PDGFB: variants seen among roughly 807,000 people sequenced by gnomAD.
The protein encoded by PDGFB is platelet derived growth factor subunit B.
In PDGFB, 6 loss-of-function variants were observed where a neutral mutation model predicts 29.0. That is an observed-to-expected ratio of 0.21 (90% CI 0.11 to 0.41). The LOEUF is 0.41. Ranked by LOEUF, PDGFB falls within the 10% of genes least tolerant of loss-of-function variation. The pLI is 1.00. For synonymous variants in PDGFB, 144 were observed against 140.8 expected (o/e 1.02, Z -0.16); for missense variants, 299 against 341.8 (o/e 0.87, Z 0.99).
chr22:39,243,779 C>T lies in PDGFB; in HGVS notation c.63+122G>A. On this transcript the variant is annotated intron_variant, in intron 1 of 6. Coordinates refer to ENST00000331163, the MANE Select transcript of PDGFB (RefSeq NM_002608.4). The surrounding 1 kb of genome is among the most constrained non-coding windows in gnomAD (Gnocchi z 6.4). ...CCAGCCCGAAGAGGTCACCCAGCGCCCGGCGTCAGGCTCGCGGGCTGCAAG... is the reference window on the plus strand; with the variant it reads ...CCAGCCCGAAGAGGTCACCCAGCGCTCGGCGTCAGGCTCGCGGGCTGCAAG... 8.5e-6 allele frequency: 6 copies of T among 707,596 alleles called. No individual in the cohort carries two copies. The highest frequency in any genetic ancestry group is 2.8e-5 in the Admixed American group (1 of 36,230). The allele number at this position is 707,596 out of a possible 1,614,324, so 43.8% of individuals were successfully genotyped here.
chr22:39,225,960 A>AT, intron 5 of PDGFB, 113 bp from the exon 6 acceptor site: 1 of 1,264,170 alleles, frequency 7.9e-7, no homozygotes, highest in East Asian at 2.5e-5. Flanking sequence ...CAGGAGGGGA[A>AT]TCTGGACCAG....
At chr22:39,238,884 T>G (rs1235383818) in intron 1 of PDGFB, among the ~76,000 whole-genome samples, 2 of 152,244 alleles carry the variant, frequency 1.3e-5, no homozygotes, top group East Asian at 1.9e-4. Context: ...CATCTTAAGT[T>G]GGGGGAGGCC....
At chr22:39,236,821 G>A (rs972715895) in intron 1 of PDGFB, among the ~76,000 whole-genome samples, 1 of 152,174 alleles carries the variant, frequency 6.6e-6, no homozygotes, top group African/African-American at 2.4e-5. Context: ...CTAAGATGTC[G>A]CTGCACGTTC....
In PDGFB at chr22:39,224,105, T is replaced by C. The variant is rs577557700; in HGVS notation, c.*1237A>G. 1 of 152,228 alleles carries C rather than the reference T, an allele frequency of 6.6e-6. No individual in the cohort carries two copies. Among genetic ancestry groups the C allele is most frequent in the Non-Finnish European group, 1.5e-5 (1 of 68,094 alleles). The allele number at this position is 152,228 out of a possible 1,614,324, so 9.4% of individuals were successfully genotyped here. A position where few individuals can be genotyped will look rare whatever the true frequency, so the allele number is the denominator to read the frequency against. On this transcript the variant is annotated 3_prime_UTR_variant, in exon 7 of 7. Coordinates refer to ENST00000331163, the MANE Select transcript of PDGFB (RefSeq NM_002608.4). ...TGCTGGAGCAGAGGACTTTGGGAAA[T>C]GGAGGTCATGTGGACAGCAGTGTTG...
At chr22:39,239,552 G>T (rs948019231) in intron 1 of PDGFB, among the ~76,000 whole-genome samples, 12 of 152,148 alleles carry the variant, frequency 7.9e-5, no homozygotes, top group East Asian at 3.9e-4. Context: ...CTGGGCACAG[G>T]TTCCGCAGGC....
At chr22:39,241,842 C>G (rs542216535) in intron 1 of PDGFB, among the ~76,000 whole-genome samples, 2 of 152,148 alleles carry the variant, frequency 1.3e-5, no homozygotes, top group African/African-American at 4.8e-5. Flanking sequence ...TTTTCCACCA[C>G]GCGGAGGTGG....
chr22:39,232,998 C>T (rs1038829225), intron 3 of PDGFB, among the ~76,000 whole-genome samples: 9 of 152,162 alleles, frequency 5.9e-5, no homozygotes, highest in Admixed American at 3.3e-4. Flanking sequence ...CAGCCTAGGC[C>T]GCGGCCCTTT....
At chr22:39,236,516 C>T (rs983776678) in intron 1 of PDGFB, among the ~76,000 whole-genome samples, 1 of 152,226 alleles carries the variant, frequency 6.6e-6, no homozygotes, top group Non-Finnish European at 1.5e-5. Context: ...GAAAGCTTAC[C>T]CGTGCCCTGT....
rs1184799325 is a variant in PDGFB, at chr22:39,228,893, A to AAAAAAAAAAATATAT, written c.601+1190_601+1191insATATATTTTTTTTTT. ...GACAGGGTGAGACTGCCTCAAAAAAAATATATATATATATAGATATATATA... is the reference window on the plus strand; with the variant it reads ...GACAGGGTGAGACTGCCTCAAAAAAAAAAAAAAAAATATATATATATATATATATAGATATATATA... On this transcript the variant is annotated intron_variant, in intron 5 of 6. Coordinates refer to ENST00000331163, the MANE Select transcript of PDGFB (RefSeq NM_002608.4). Among the ~76,000 whole-genome samples, 339 of 132,554 alleles carry AAAAAAAAAAATATAT rather than the reference A, an allele frequency of 2.6e-3. 3 individuals are homozygous for AAAAAAAAAAATATAT. The highest frequency in any genetic ancestry group is 0.013 in the Middle Eastern group (3 of 228). The allele number at this position is 132,554 out of a possible 152,430, so 87.0% of individuals were successfully genotyped here.
Position 39,224,955 on chromosome 22 carries a change from T to A in PDGFB, c.*387A>T, listed in dbSNP as rs1300360726. On this transcript the variant is annotated 3_prime_UTR_variant, in exon 7 of 7. Transcript: ENST00000331163. ...GGCTATGCTGAGAGGTCCTCAGGGC[T>A]CCTCAGGACAGTCCACAGCGCTCAG... 6.6e-6 allele frequency: 1 copy of A among 152,404 alleles called. No homozygotes were observed. Among genetic ancestry groups the A allele is most frequent in the Non-Finnish European group, 1.5e-5 (1 of 68,126 alleles). 9.4% of individuals were successfully genotyped at this position (152,404 alleles called of 1,614,324 possible).
In PDGFB at chr22:39,243,853, G is replaced by A. The variant is rs1406894812; in HGVS notation, c.63+48C>T. On this transcript the variant is annotated intron_variant, in intron 1 of 6. Coordinates refer to ENST00000331163, the MANE Select transcript of PDGFB (RefSeq NM_002608.4). This position sits in a 1 kb window ranked among gnomAD's most constrained non-coding sequence, Gnocchi z 6.4. ...AGGAGGGGGCGGTCAGAAGGGGGGGGCGAAGGTAATGAATGAAGAACCAGC... is the reference window on the plus strand; with the variant it reads ...AGGAGGGGGCGGTCAGAAGGGGGGGACGAAGGTAATGAATGAAGAACCAGC... The A allele has an allele frequency of 2.7e-6, 4 of 1,496,014 alleles. No individual in the cohort carries two copies. The highest frequency in any genetic ancestry group is 1.4e-5 in the African/African-American group (1 of 71,702). 92.7% of individuals were successfully genotyped at this position (1,496,014 alleles called of 1,614,324 possible).
In PDGFB at chr22:39,231,814, A is replaced by C. The variant is rs374727060; in HGVS notation, c.264T>G (p.Ile88Met). The change falls in exon 4 of 7, where the codon ATT becomes ATG. Residue 88 changes from isoleucine (I) to methionine (M), a missense_variant. Physicochemically the swap from Ile to Met is conservative, Grantham distance 10. Transcript: ENST00000331163. The surrounding 1 kb of genome is among the most constrained non-coding windows in gnomAD (Gnocchi z 4.3). ...RGRRSLGSLT[I>M]AEPAMIAECK... Reference sequence around the variant, plus strand: ...ACTCGGCGATCATGGCCGGCTCAGCAATGGTCAGGGAACCTGGGAGGAGAC... The same window carrying C: ...ACTCGGCGATCATGGCCGGCTCAGCCATGGTCAGGGAACCTGGGAGGAGAC... 1.2e-6 allele frequency: 2 copies of C among 1,613,090 alleles called. No individual in the cohort carries two copies. The highest frequency in any genetic ancestry group is 2.7e-5 in the African/African-American group (2 of 74,914).
At chr22:39,233,304 A>T (rs1601598671) in intron 3 of PDGFB, 131 bp downstream of exon 3, 3 of 612,200 alleles carry the variant, frequency 4.9e-6, no homozygotes, top group Non-Finnish European at 8.6e-6. Flanking sequence ...CAGTTCGCTC[A>T]GTCCTGAATG....
chr22:39,238,313 C>T (rs1413758486), intron 1 of PDGFB, among the ~76,000 whole-genome samples: 1 of 152,136 alleles, frequency 6.6e-6, no homozygotes, highest in African/African-American at 2.4e-5. Context: ...GGAGGGCCAC[C>T]TGGGATATTC....
intron 1 of PDGFB, among the ~76,000 whole-genome samples, chr22:39,241,754 G>T (rs891864949): frequency 1.3e-5 from 2 of 152,238 alleles, no homozygotes; most frequent in Admixed American, 6.5e-5. Flanking sequence ...CTCCAGTCTT[G>T]CAGGTTCAAA....
Position 39,225,844 on chromosome 22 carries a change from T to C in PDGFB, c.605A>G (p.Lys202Arg). ...AATGGTCACCCGAGTTTGGGGCGTT[T>C]TGGCTGCACAAGAAAAAGAAAGACC... ...SPGGSQEQRA[K>R]TPQTRVTIRT... The change falls in exon 6 of 7, where the codon AAA (lysine) becomes AGA (arginine). Residue 202 changes from lysine (K) to arginine (R), a missense_variant. By Grantham distance (26) the Lys-to-Arg change is conservative. Transcript: ENST00000331163. 6.2e-7 allele frequency: 1 copy of C among 1,610,920 alleles called. No individual in the cohort carries two copies. Among genetic ancestry groups the C allele is most frequent in the South Asian group, 1.1e-5 (1 of 90,936 alleles).
chr22:39,243,972 C>T lies in PDGFB; in HGVS notation c.-9G>A. ...GCCCAGCAGCGATTCATGCCGACTC[C>T]GGGCCCGGCCCCGCGGGGCCCCGGA... On this transcript the variant is annotated 5_prime_UTR_variant, in exon 1 of 7. Transcript: ENST00000331163. This position sits in a 1 kb window ranked among gnomAD's most constrained non-coding sequence, Gnocchi z 6.4. The T allele has an allele frequency of 7.0e-7, 1 of 1,433,166 alleles. No individual in the cohort carries two copies. The highest frequency in any genetic ancestry group is 9.4e-7 in the Non-Finnish European group (1 of 1,069,252). 88.8% of individuals were successfully genotyped at this position (1,433,166 alleles called of 1,614,324 possible). A position where few individuals can be genotyped will look rare whatever the true frequency, so the allele number is the denominator to read the frequency against.
At chr22:39,226,734 G>C (rs970204482) in intron 5 of PDGFB, among the ~76,000 whole-genome samples, 3 of 152,184 alleles carry the variant, frequency 2.0e-5, no homozygotes, top group African/African-American at 7.2e-5. Context: ...TGGTGTGGAG[G>C]CCACTGGGCT....
rs190122588 is a variant in PDGFB at position 39,233,488 on chromosome 22, C to T, written c.197G>A (p.Arg66His). Residue 66 changes from arginine (R) to histidine (H), a missense_variant, in exon 3 of 7, where the codon CGC becomes CAC. Arg to His is a conservative substitution (Grantham distance 29). Transcript: ENST00000331163. ...CTCCAGCTCGCCTCCAGAGTGGGAG[C>T]GGGTCATGTTCAGGTCCAACTCGGC... ...DGAELDLNMT[R>H]SHSGGELESL... is the part of the protein sequence containing the mutation. 1.1e-5 allele frequency: 17 copies of T among 1,595,794 alleles called. No homozygotes were observed. In the Admixed American group the frequency reaches 1.4e-4, roughly 13 times the overall value.
Sources: gnomAD v4.1 joint callset for allele counts (sites outside exome capture counted in the v4.1 genomes callset) on GRCh38, gnomAD v4.1.1 for gene constraint, Gnocchi (gnomAD v3.1) non-coding constraint, MANE v1.5 for transcripts, NCBI Gene and HGNC (gene_info 2026-07-23, HGNC 2026-07-21) for gene names.